Variants in MRPL1 observed in about 807,000 individuals in gnomAD.
The protein encoded by MRPL1 is mitochondrial ribosomal protein L1, also known as large ribosomal subunit protein uL1m.
MRPL1 carries 28 observed loss-of-function variants against 38.0 expected under a neutral mutation model. That is an observed-to-expected ratio of 0.74 (90% CI 0.55 to 1.01). The LOEUF is 1.01. Ranked by LOEUF, MRPL1 falls within the 50% of genes least tolerant of loss-of-function variation. The pLI, the probability that MRPL1 is intolerant of heterozygous loss-of-function variation, is 0.00. For synonymous variants in MRPL1, 123 were observed against 126.7 expected, an observed-to-expected ratio of 0.97 and a Z score of 0.20; for missense variants, 358 against 389.8, an observed-to-expected ratio of 0.92 and a Z score of 0.69.
intron 2 of MRPL1, among the ~76,000 whole-genome samples, chr4:77,881,144 A>C (rs1272310681): frequency 1.3e-5 from 2 of 152,196 alleles, no homozygotes; most frequent in Non-Finnish European, 2.9e-5. Context: ...ATGGACAAAT[A>C]AAGGGGCTGG....
intron 7 of MRPL1, among the ~76,000 whole-genome samples, chr4:77,922,548 G>A (rs1005159910): frequency 1.3e-5 from 2 of 152,196 alleles, no homozygotes; most frequent in African/African-American, 2.4e-5. Flanking sequence ...GTCCAGTTAA[G>A]GGTCTTTTGC....
rs72871130 is a variant in MRPL1, at chr4:77,948,762, C to T, written c.778-1035C>T. 5.8e-4 allele frequency among the ~76,000 whole-genome samples: 87 copies of T among 148,806 alleles called. 1 individual carries two copies. Among genetic ancestry groups the T allele is most frequent in the African/African-American group, 2.1e-3 (83 of 40,302 alleles). On this transcript the variant is annotated intron_variant, in intron 7 of 8. Transcript: ENST00000315567. ...GCTACTATAATTTTATATGAATCTT[C>T]TTCTTCTTCTTTTTTTTTTTTTTTT... is the stretch of plus-strand genomic sequence containing the variant.
intron 7 of MRPL1, among the ~76,000 whole-genome samples, chr4:77,931,665 C>T (rs1405176885): frequency 6.6e-6 from 1 of 152,200 alleles, no homozygotes; most frequent in East Asian, 1.9e-4. Context: ...GATTACACAT[C>T]AGGAAAACTG....
intron 6 of MRPL1, among the ~76,000 whole-genome samples, chr4:77,903,047 A>G (rs183552814): frequency 2.6e-5 from 4 of 152,336 alleles, no homozygotes; most frequent in African/African-American, 7.2e-5. Flanking sequence ...CAAGGACATT[A>G]CGAGAAAACT....
intron 7 of MRPL1, among the ~76,000 whole-genome samples, chr4:77,927,878 G>A (rs951062461): frequency 1.3e-5 from 2 of 152,104 alleles, no homozygotes; most frequent in African/African-American, 4.8e-5. Flanking sequence ...TTGTTTTCTA[G>A]AGAGAAGAAA....
chr4:77,932,607 A>G (rs1245603702), intron 7 of MRPL1, among the ~76,000 whole-genome samples: 1 of 152,004 alleles, frequency 6.6e-6, no homozygotes, highest in African/African-American at 2.4e-5. Context: ...TACAGAGTAG[A>G]TTGGACATAA....
chr4:77,952,017 A>G, intron 8 of MRPL1, among the ~76,000 whole-genome samples: 1 of 152,206 alleles, frequency 6.6e-6, no homozygotes, highest in Non-Finnish European at 1.5e-5. Context: ...ACAATAAATG[A>G]TGTGGTATGA....
intron 6 of MRPL1, among the ~76,000 whole-genome samples, chr4:77,900,430 A>C (rs1324127566): frequency 6.6e-6 from 1 of 152,202 alleles, no homozygotes; most frequent in African/African-American, 2.4e-5. Context: ...TTGTAGAGGA[A>C]TGAGGGACTG....
chr4:77,865,321 T>G (rs1364481648), intron 1 of MRPL1, among the ~76,000 whole-genome samples: 2 of 152,216 alleles, frequency 1.3e-5, no homozygotes, highest in Non-Finnish European at 2.9e-5. Context: ...ACCTTGCAGT[T>G]GTTTAAAATC....
In MRPL1 at chr4:77,871,780, T is replaced by C. The variant is rs569610916; in HGVS notation, c.68T>C (p.Met23Thr). The change falls in exon 2 of 9, where the codon ATG (methionine) becomes ACG (threonine). Residue 23 changes from methionine (M) to threonine (T), a missense_variant. By Grantham distance (81) the Met-to-Thr change is moderately conservative. Coordinates refer to ENST00000315567, the MANE Select transcript of MRPL1 (RefSeq NM_020236.4). The stretch of plus-strand genomic sequence containing the variant: ...CATCAAAGGCATAGCCTTTCCAAGA[T>C]GGTTTATCAGACATCACTTTGTTCT... Reference protein sequence around the residue: ...IHHQRHSLSKMVYQTSLCSCS... With the variant: ...IHHQRHSLSKTVYQTSLCSCS... 1.7e-4 allele frequency: 277 copies of C among 1,594,340 alleles called. 6 individuals carry two copies. In the South Asian group the frequency reaches 3.2e-3, roughly 19 times the overall value.
intron 7 of MRPL1, among the ~76,000 whole-genome samples, chr4:77,919,728 C>G (rs1224663042): frequency 2.6e-5 from 4 of 151,910 alleles, no homozygotes; most frequent in Non-Finnish European, 4.4e-5. Context: ...TTTAGCCTTT[C>G]ATAACATTTA....
At chr4:77,925,511 A>G (rs1055004632) in intron 7 of MRPL1, among the ~76,000 whole-genome samples, 20 of 151,764 alleles carry the variant, frequency 1.3e-4, no homozygotes, top group Non-Finnish European at 4.4e-5. Context: ...CCGGCTAAGT[A>G]CTTTTCTTTT....
chr4:77,911,362 C>A (rs186376166), intron 7 of MRPL1, among the ~76,000 whole-genome samples: 1 of 151,942 alleles, frequency 6.6e-6, no homozygotes, highest in Non-Finnish European at 1.5e-5. Context: ...TCAACAAATA[C>A]CATAGTGATT....
At chr4:77,867,259 C>T (rs1056960486) in intron 1 of MRPL1, among the ~76,000 whole-genome samples, 1 of 152,226 alleles carries the variant, frequency 6.6e-6, no homozygotes, top group Non-Finnish European at 1.5e-5. Context: ...GCAGTGCTAG[C>T]ACATGTTTCA....
chr4:77,878,756 G>T (rs1735460281), intron 2 of MRPL1, among the ~76,000 whole-genome samples: 1 of 152,062 alleles, frequency 6.6e-6, no homozygotes, highest in Non-Finnish European at 1.5e-5. Context: ...GCAGGCACCT[G>T]TAGTCCCAGC....
At chr4:77,871,602 CTAT>C in intron 1 of MRPL1, 139 bp from the exon 2 acceptor site, 1 of 519,748 alleles carries the variant, frequency 1.9e-6, no homozygotes, top group South Asian at 3.1e-5. Flanking sequence ...CTGTGCCTGG[CTAT>C]TATTACACTT....
chr4:77,910,441 A>G (rs1230973112), intron 7 of MRPL1, among the ~76,000 whole-genome samples: 1 of 152,208 alleles, frequency 6.6e-6, no homozygotes, highest in East Asian at 1.9e-4. Flanking sequence ...TGAGTGACAC[A>G]GCCTAGGCAA....
At chr4:77,919,752 T>C (rs1736518704) in intron 7 of MRPL1, among the ~76,000 whole-genome samples, 1 of 151,948 alleles carries the variant, frequency 6.6e-6, no homozygotes, top group South Asian at 2.1e-4. Flanking sequence ...CCATAATAAA[T>C]TACATAACTC....
intron 6 of MRPL1, among the ~76,000 whole-genome samples, chr4:77,901,735 A>G (rs1210679234): frequency 6.6e-6 from 1 of 152,234 alleles, no homozygotes; most frequent in African/African-American, 2.4e-5. Flanking sequence ...GAAAGGAGAA[A>G]TAGACTAATC....
Sources: allele counts gnomAD v4.1 joint callset (sites outside exome capture counted in the v4.1 genomes callset), GRCh38; gene constraint gnomAD v4.1.1; transcripts MANE v1.5; gene names NCBI Gene and HGNC (gene_info 2026-07-23, HGNC 2026-07-21).